Variants in AKR1D1 observed in about 807,000 individuals in gnomAD.
AKR1D1 encodes the protein aldo-keto reductase family 1 member D1, also known as delta(4)-3-ketosteroid 5-beta-reductase.
AKR1D1 carries 32 observed loss-of-function variants against 42.6 expected under a neutral mutation model. The observed-to-expected ratio is 0.75, with a 90% CI of 0.57 to 1.01. The LOEUF (loss-of-function observed/expected upper bound fraction) is 1.01, where lower values mean the gene tolerates loss of function less well. AKR1D1 is among the 50% of genes least tolerant of loss of function. The pLI, the probability that AKR1D1 is intolerant of heterozygous loss-of-function variation, is 0.00. For synonymous variants in AKR1D1, 123 were observed against 135.5 expected, an observed-to-expected ratio of 0.91 and a Z score of 0.64; for missense variants, 364 against 402.2, an observed-to-expected ratio of 0.91 and a Z score of 0.81.
chr7:138,113,818 T>C (rs1794581761), intron 8 of AKR1D1, 46 bp downstream of exon 8: 1 of 1,553,030 alleles, frequency 6.4e-7, no homozygotes, highest in Non-Finnish European at 8.9e-7. Flanking sequence ...TGGTATTGAA[T>C]GGTCATGTGT....
At chr7:138,086,053 G>A (rs1803168708) in intron 1 of AKR1D1, among the ~76,000 whole-genome samples, 1 of 151,954 alleles carries the variant, frequency 6.6e-6, no homozygotes, top group Non-Finnish European at 1.5e-5. Flanking sequence ...CTACAAAAAT[G>A]TATGCCAGGC....
At chr7:138,096,728 C>T (rs781646099) in intron 3 of AKR1D1, among the ~76,000 whole-genome samples, 4 of 152,120 alleles carry the variant, frequency 2.6e-5, no homozygotes, top group African/African-American at 4.8e-5. Context: ...TCATGGTGTT[C>T]GTGACATCTC....
chr7:138,092,318 T>C (rs1794100536), intron 3 of AKR1D1, among the ~76,000 whole-genome samples: 1 of 152,196 alleles, frequency 6.6e-6, no homozygotes, highest in Non-Finnish European at 1.5e-5. Flanking sequence ...TTCTTCCCAC[T>C]CACACAGTCA....
At chr7:138,105,818 G>A (rs978390178) in intron 5 of AKR1D1, among the ~76,000 whole-genome samples, 2 of 152,082 alleles carry the variant, frequency 1.3e-5, no homozygotes, top group African/African-American at 4.8e-5. Flanking sequence ...CCGGGAGGTG[G>A]AGGTTGCAGT....
intron 6 of AKR1D1, 42 bp from the exon 7 acceptor site, chr7:138,107,373 A>G: frequency 6.2e-7 from 1 of 1,604,520 alleles, no homozygotes; most frequent in Non-Finnish European, 8.5e-7. Context: ...TTTGGTTCTC[A>G]TTATGCAAAC....
chr7:138,098,100 ATC>A lies in AKR1D1; in HGVS notation c.456+160_456+161del, dbSNP rs1585731971. On this transcript the variant is annotated intron_variant, in intron 4 of 8. Transcript: ENST00000242375. ...CTAACCATAAGTACAGGTATATGAA[ATC>A]TCCACTTCTGGGTACTAAATAATTC... 4.5e-6 allele frequency: 3 copies of A among 659,762 alleles called. No homozygotes were observed. The East Asian group carries it at 8.1e-5, about 18-fold the overall frequency. The allele number at this position is 659,762 out of a possible 1,614,324, so 40.9% of individuals were successfully genotyped here. A position where few individuals can be genotyped will look rare whatever the true frequency, so the allele number is the denominator to read the frequency against.
intron 3 of AKR1D1, 149 bp from the exon 4 acceptor site, chr7:138,097,717 G>A (rs751601035): frequency 5.8e-5 from 41 of 705,236 alleles, no homozygotes; most frequent in Middle Eastern, 4.1e-4. Context: ...CAGCTGGGCC[G>A]CTATGACAAA....
chr7:138,077,378 C>CA (rs1802962147), intron 1 of AKR1D1, among the ~76,000 whole-genome samples: 4 of 152,112 alleles, frequency 2.6e-5, no homozygotes, highest in African/African-American at 9.7e-5. Context: ...ATAAAACCAT[C>CA]AAATGTCATG....
intron 3 of AKR1D1, among the ~76,000 whole-genome samples, chr7:138,096,627 T>C (rs1394856507): frequency 2.0e-5 from 3 of 152,222 alleles, no homozygotes; most frequent in Admixed American, 2.0e-4. Flanking sequence ...AAGACTTTCA[T>C]CCTGCCAAAT....
chr7:138,111,779 C>T (rs980209712), intron 7 of AKR1D1, among the ~76,000 whole-genome samples: 2 of 152,134 alleles, frequency 1.3e-5, no homozygotes, highest in African/African-American at 4.8e-5. Context: ...CTATTCTCAA[C>T]AAAATGTAGG....
chr7:138,107,081 A>C, intron 6 of AKR1D1: 3 of 517,246 alleles, frequency 5.8e-6, no homozygotes, highest in South Asian at 5.5e-5. Context: ...AAATTTTTCT[A>C]CTTTAAGATG....
At chr7:138,079,111 C>G (rs10264483) in intron 1 of AKR1D1, among the ~76,000 whole-genome samples, 2,483 of 152,274 alleles carry the variant, frequency 0.016, 72 homozygotes, top group African/African-American at 0.056. Flanking sequence ...GGATTACAGG[C>G]GTGAGCCATG....
At chr7:138,110,511 G>A (rs549808006) in intron 7 of AKR1D1, among the ~76,000 whole-genome samples, 1 of 152,276 alleles carries the variant, frequency 6.6e-6, no homozygotes, top group African/African-American at 2.4e-5. Context: ...CCAGCACCTT[G>A]GGAGGCTGAG....
rs544886556 is a variant in AKR1D1 at position 138,106,477 on chromosome 7, C to T, written c.580-131C>T. 6.7e-4 allele frequency: 491 copies of T among 731,416 alleles called. 5 individuals are homozygous for T. Among genetic ancestry groups the T allele is most frequent in the South Asian group, 5.3e-3 (355 of 67,062 alleles). 45.3% of individuals were successfully genotyped at this position (731,416 alleles called of 1,614,324 possible). The stretch of plus-strand genomic sequence containing the variant: ...AGATATGAAGGGACAGACTAGGACA[C>T]GAAATGTATATAGTATGAAGGAGAT... On this transcript the variant is annotated intron_variant, in intron 5 of 8. Transcript: ENST00000242375.
intron 8 of AKR1D1, among the ~76,000 whole-genome samples, chr7:138,114,230 C>A (rs113104391): frequency 8.9e-4 from 135 of 152,262 alleles, no homozygotes; most frequent in African/African-American, 3.1e-3. Flanking sequence ...GACTTTTAGA[C>A]AAATACTTAA....
At chr7:138,114,394 C>T (rs1794593090) in intron 8 of AKR1D1, among the ~76,000 whole-genome samples, 1 of 152,088 alleles carries the variant, frequency 6.6e-6, no homozygotes, top group African/African-American at 2.4e-5. Flanking sequence ...TTTGGCCAGG[C>T]GTGGTGGCTC....
At chr7:138,109,129 A>T (rs1562938474) in intron 7 of AKR1D1, among the ~76,000 whole-genome samples, 1 of 152,240 alleles carries the variant, frequency 6.6e-6, no homozygotes, top group Non-Finnish European at 1.5e-5. Flanking sequence ...GTACACTGAA[A>T]TATCATATAG....
intron 4 of AKR1D1, chr7:138,098,184 G>A (rs1794221436): frequency 2.1e-6 from 1 of 471,626 alleles, no homozygotes. Flanking sequence ...AGGAAAAACA[G>A]TGTAAACAAA....
At chr7:138,103,112 C>A (rs765531919) in intron 4 of AKR1D1, among the ~76,000 whole-genome samples, 7 of 151,518 alleles carry the variant, frequency 4.6e-5, no homozygotes, top group Admixed American at 3.3e-4. Context: ...AAAAATAATG[C>A]ATGATAAAAA....
Sources: gnomAD v4.1 joint callset for allele counts (sites outside exome capture counted in the v4.1 genomes callset) on GRCh38, gnomAD v4.1.1 for gene constraint, MANE v1.5 for transcripts, NCBI Gene and HGNC (gene_info 2026-07-23, HGNC 2026-07-21) for gene names.